SLC6A18: variants seen among roughly 807,000 people sequenced by gnomAD.
SLC6A18 encodes the protein solute carrier family 6 member 18, also known as inactive sodium-dependent neutral amino acid transporter B(0)AT3.
A neutral mutation model predicts 62.9 loss-of-function variants in SLC6A18; 58 were observed. The ratio of observed to expected loss-of-function variants is 0.92; its 90% CI spans 0.75 to 1.15. SLC6A18 has a LOEUF of 1.15. Ranked by LOEUF, SLC6A18 falls within the 50% of genes most tolerant of loss-of-function variation. SLC6A18 has a pLI of 0.00. For synonymous variants in SLC6A18, 382 were observed against 365.8 expected (o/e 1.04, Z -0.51); for missense variants, 793 against 836.6 (o/e 0.95, Z 0.64).
At position 1,225,415 on chromosome 5, in the gene SLC6A18, C is replaced by G. The variant is rs1284334517; in HGVS notation, c.-63C>G. 6.6e-7 allele frequency: 1 copy of G among 1,524,346 alleles called. No individual in the cohort carries two copies. Among genetic ancestry groups the G allele is most frequent in the Non-Finnish European group, 8.8e-7 (1 of 1,134,192 alleles). The allele number at this position is 1,524,346 out of a possible 1,614,324, so 94.4% of individuals were successfully genotyped here. On this transcript the variant is annotated 5_prime_UTR_variant, in exon 1 of 12. Coordinates refer to ENST00000324642, the MANE Select transcript of SLC6A18 (RefSeq NM_182632.3). Reference sequence around the variant, plus strand: ...ACGTCGGCAGAGGCTGGAGACGGCTCTCTAGTGCTGGGTGTGGAGTGAGGC... The same window carrying G: ...ACGTCGGCAGAGGCTGGAGACGGCTGTCTAGTGCTGGGTGTGGAGTGAGGC...
chr5:1,244,829 AC>A, intron 11 of SLC6A18, 62 bp downstream of exon 11: 1 of 1,520,224 alleles, frequency 6.6e-7, no homozygotes, highest in Non-Finnish European at 8.9e-7. Flanking sequence ...TCTGGCCCCT[AC>A]GGTGCCATCC....
At chr5:1,240,149 G>C (rs146100801) in intron 6 of SLC6A18, among the ~76,000 whole-genome samples, 2 of 152,326 alleles carry the variant, frequency 1.3e-5, no homozygotes, top group East Asian at 1.9e-4. Context: ...GTTTGTGATC[G>C]ACACCTTACT....
At chr5:1,228,617 G>A (rs553012507) in intron 1 of SLC6A18, among the ~76,000 whole-genome samples, 6 of 152,304 alleles carry the variant, frequency 3.9e-5, no homozygotes, top group African/African-American at 7.2e-5. Flanking sequence ...ACACCACTGC[G>A]TCCTCCATGC....
intron 7 of SLC6A18, 53 bp downstream of exon 7, chr5:1,240,712 C>T: frequency 1.9e-6 from 3 of 1,603,216 alleles, no homozygotes; most frequent in East Asian, 2.2e-5. Context: ...CAGACAGGTG[C>T]CTGCCGCACC....
In SLC6A18 at chr5:1,246,024, G is replaced by A. The variant is rs1407280867; in HGVS notation, c.1833G>A (p.Pro611=). The change falls in exon 12 of 12, where the codon CCG becomes CCA. Residue 611 remains proline (P), a synonymous_variant. Transcript: ENST00000324642. The stretch of plus-strand genomic sequence containing the variant: ...CGCGCCCAGACACGGACATGCGCCC[G>A]GACACGGACACGCGCCCAGACACGG... ...RDARPDTDMR[P]DTDTRPDTDM... 7.5e-6 allele frequency: 12 copies of A among 1,593,970 alleles called. No individual in the cohort carries two copies. Among genetic ancestry groups the A allele is most frequent in the Non-Finnish European group, 1.0e-5 (12 of 1,175,784 alleles).
intron 7 of SLC6A18, 36 bp from the exon 8 acceptor site, chr5:1,242,671 A>G (rs759689682): frequency 9.6e-6 from 15 of 1,566,776 alleles, no homozygotes; most frequent in Non-Finnish European, 1.2e-5. Flanking sequence ...TTTGGGAACC[A>G]GGGCCATGAG....
chr5:1,230,682 G>A (rs574152449), intron 1 of SLC6A18, among the ~76,000 whole-genome samples: 2 of 152,288 alleles, frequency 1.3e-5, no homozygotes, highest in East Asian at 1.9e-4. Flanking sequence ...TCTAGAAGCC[G>A]GACCCTGCCT....
At chr5:1,227,648 T>A (rs1210243295) in intron 1 of SLC6A18, among the ~76,000 whole-genome samples, 1 of 152,228 alleles carries the variant, frequency 6.6e-6, no homozygotes, top group Non-Finnish European at 1.5e-5. Context: ...TTCATAAGTA[T>A]TCAACTACAT....
intron 1 of SLC6A18, 87 bp downstream of exon 1, chr5:1,225,724 C>G: frequency 6.9e-7 from 1 of 1,444,532 alleles, no homozygotes; most frequent in Non-Finnish European, 9.3e-7. Context: ...CCACGCATCC[C>G]CAGTGCTTGG....
At position 1,243,490 on chromosome 5, in the gene SLC6A18, AGGCGTGTGTGTGTGGT is replaced by A. The variant is rs1747121220; in HGVS notation, c.1132-62_1132-47del. 6.5e-7 allele frequency: 1 copy of A among 1,535,048 alleles called. No homozygotes were observed. The highest frequency in any genetic ancestry group is 1.4e-5 in the African/African-American group (1 of 73,546). ...CTGGGAGAGTGTGTGTCCTGCAGGC[AGGCGTGTGTGTGTGGT>A]GGAGTGTGTGTGTGCGTGGCCTGAA... On this transcript the variant is annotated intron_variant, in intron 8 of 11. Coordinates refer to ENST00000324642, the MANE Select transcript of SLC6A18 (RefSeq NM_182632.3). The surrounding 1 kb of genome is among the most constrained non-coding windows in gnomAD (Gnocchi z 6.5).
At chr5:1,230,543 T>C (rs1018788196) in intron 1 of SLC6A18, among the ~76,000 whole-genome samples, 4 of 152,196 alleles carry the variant, frequency 2.6e-5, no homozygotes, top group African/African-American at 9.7e-5. Context: ...TGGAGTCCTG[T>C]GCAGAAGCCA....
At chr5:1,237,812 C>A (rs2126535706) in intron 4 of SLC6A18, 138 bp from the exon 5 acceptor site, 2 of 661,608 alleles carry the variant, frequency 3.0e-6, no homozygotes, top group South Asian at 3.8e-5. Flanking sequence ...GGTGCACCCC[C>A]ATCCGTCCTG....
intron 4 of SLC6A18, 33 bp downstream of exon 4, chr5:1,235,695 G>C: frequency 1.2e-6 from 2 of 1,610,360 alleles, no homozygotes; most frequent in Non-Finnish European, 1.7e-6. Flanking sequence ...CCCCTCTCTT[G>C]CTTCCTCCAG....
rs777395014 is a variant in SLC6A18, at chr5:1,244,670, G to A, written c.1559G>A (p.Trp520Ter). The A allele has an allele frequency of 6.2e-7, 1 of 1,612,592 alleles. No individual in the cohort carries two copies. The highest frequency in any genetic ancestry group is 8.5e-7 in the Non-Finnish European group (1 of 1,178,892). ...CCCAGCCCCTACTGGCGGCTGACCT[G>A]GAGGGTGGTCAGTCCCCTGCTGCTG... is the stretch of plus-strand genomic sequence containing the variant. ...RRPSPYWRLT[W>*]RVVSPLLLTI... Residue 520 changes from tryptophan to a stop codon, truncating the protein, a stop_gained, in exon 11 of 12, where the codon TGG (tryptophan) becomes TAG (stop). Coordinates refer to ENST00000324642, the MANE Select transcript of SLC6A18 (RefSeq NM_182632.3). LOFTEE classifies it high-confidence loss of function.
chr5:1,226,206 AC>A, intron 1 of SLC6A18, among the ~76,000 whole-genome samples: 1 of 151,946 alleles, frequency 6.6e-6, no homozygotes, highest in Non-Finnish European at 1.5e-5. Flanking sequence ...TGGACTCACC[AC>A]CCCCAGAAGT....
Position 1,225,564 on chromosome 5 carries a change from G to A in SLC6A18, c.87G>A (p.Leu29=), listed in dbSNP as rs1221336993. 1.2e-6 allele frequency: 2 copies of A among 1,612,378 alleles called. No individual in the cohort carries two copies. Among genetic ancestry groups the A allele is most frequent in the Non-Finnish European group, 1.7e-6 (2 of 1,178,996 alleles). ...PKWDNKAQYL[L]SCTGFAVGLG... Reference sequence around the variant, plus strand: ...GGGACAACAAGGCCCAGTACCTCCTGAGCTGCACTGGGTTTGCCGTGGGAC... The same window carrying A: ...GGGACAACAAGGCCCAGTACCTCCTAAGCTGCACTGGGTTTGCCGTGGGAC... The change falls in exon 1 of 12, where the codon CTG becomes CTA. Residue 29 remains leucine (L), a synonymous_variant. Transcript: ENST00000324642.
chr5:1,237,500 T>C (rs1167520598), intron 4 of SLC6A18, among the ~76,000 whole-genome samples: 1 of 151,812 alleles, frequency 6.6e-6, no homozygotes, highest in Non-Finnish European at 1.5e-5. Flanking sequence ...GGCTGAGAAC[T>C]CGAGAGTGGA....
In SLC6A18 at chr5:1,244,248, C is replaced by T. The variant is rs1271057858; in HGVS notation, c.1371C>T (p.Thr457=). ...GCCTGGTCTGCTTCCTCTCCGCCAC[C>T]TGCTTCACGCTGCAGTCTGGGAACT... ...LVCLVCFLSA[T]CFTLQSGNYW... The change falls in exon 10 of 12, where the codon ACC becomes ACT. Residue 457 remains threonine, a synonymous_variant. Coordinates refer to ENST00000324642, the MANE Select transcript of SLC6A18 (RefSeq NM_182632.3). 4 of 1,613,966 alleles carry T rather than the reference C, an allele frequency of 2.5e-6. No homozygotes were observed. The highest frequency in any genetic ancestry group is 4.5e-5 in the East Asian group (2 of 44,872).
rs202014617 is a variant in SLC6A18 at position 1,230,132 on chromosome 5, GA to G, written c.161-2086del. On this transcript the variant is annotated intron_variant, in intron 1 of 11. Coordinates refer to ENST00000324642, the MANE Select transcript of SLC6A18 (RefSeq NM_182632.3). ...ACGGTACAGGCTGGAGGGGAGGGAAGAGGGGCTTTCACAGTGCAGGCTGGTC... is the reference window on the plus strand; with the variant it reads ...ACGGTACAGGCTGGAGGGGAGGGAAGGGGGCTTTCACAGTGCAGGCTGGTC... Among the ~76,000 whole-genome samples the G allele has an allele frequency of 9.2e-3, 1,383 of 149,878 alleles. 25 individuals are homozygous for G. Among genetic ancestry groups the G allele is most frequent in the African/African-American group, 0.032 (1,304 of 40,396 alleles).
Sources: gnomAD v4.1 joint callset for allele counts (sites outside exome capture counted in the v4.1 genomes callset) on GRCh38, gnomAD v4.1.1 for gene constraint, Gnocchi (gnomAD v3.1) non-coding constraint, MANE v1.5 for transcripts, NCBI Gene and HGNC (gene_info 2026-07-23, HGNC 2026-07-21) for gene names.